The following ARL14EP variants were observed in gnomAD, a reference collection of about 807,000 sequenced individuals.
ARL14EP encodes the protein ARL14 effector protein.
Under a neutral mutation model 23.1 loss-of-function variants are expected in ARL14EP, and 12 were observed. That is an observed-to-expected ratio of 0.52 (90% CI 0.33 to 0.84). The LOEUF (loss-of-function observed/expected upper bound fraction) is 0.84. Ranked by LOEUF, ARL14EP falls within the 40% of genes least tolerant of loss-of-function variation. The probability of loss-of-function intolerance (pLI) is 0.02; values close to 1 mark genes in which losing one functional copy is unlikely to be tolerated. For synonymous variants in ARL14EP, 97 were observed against 102.0 expected, an observed-to-expected ratio of 0.95 and a Z score of 0.29; for missense variants, 253 against 307.3, an observed-to-expected ratio of 0.82 and a Z score of 1.32.
At chr11:30,331,678 T>G in intron 2 of ARL14EP, 1 of 1,189,590 alleles carries the variant, frequency 8.4e-7, no homozygotes, top group Non-Finnish European at 1.0e-6. Flanking sequence ...AGGATTTAGT[T>G]TCTTTTCTGA....
At chr11:30,334,226 T>TTTTTTTTG (rs1947312830) in intron 3 of ARL14EP, among the ~76,000 whole-genome samples, 1 of 131,562 alleles carries the variant, frequency 7.6e-6, no homozygotes. Flanking sequence ...TTTTTTTTTT[T>TTTTTTTTG]TTTTTTTGAG....
In ARL14EP at chr11:30,331,092, G is replaced by T; in HGVS notation, c.144G>T (p.Met48Ile). The T allele has an allele frequency of 1.2e-6, 2 of 1,613,904 alleles. No homozygotes were observed. Among genetic ancestry groups the T allele is most frequent in the South Asian group, 2.2e-5 (2 of 91,048 alleles). ...TTTTACTTCAACTTAGAACTGGAAT[G>T]ACACTTTCTGGGAACAATACAATTT... ...DMLLLQLRTG[M>I]TLSGNNTICF... Residue 48 changes from methionine (M) to isoleucine (I), a missense_variant, in exon 2 of 4, where the codon ATG (methionine) becomes ATT (isoleucine). Met to Ile is a conservative substitution (Grantham distance 10). Transcript: ENST00000282032.
At chr11:30,329,385 A>T (rs1400581090) in intron 1 of ARL14EP, 3 of 152,154 alleles carry the variant, frequency 2.0e-5, no homozygotes, top group Admixed American at 6.5e-5. Flanking sequence ...TCACTGCCAA[A>T]GGCAGTGAAT....
chr11:30,336,527 CAT>C lies in ARL14EP; in HGVS notation c.555-37_555-36del, dbSNP rs759707936. On this transcript the variant is annotated intron_variant, in intron 3 of 3. Transcript: ENST00000282032. ...GTATTTTCAATTAAATCAAAAATAA[CAT>C]ATTTATGAGGTATAATTCATTGTGT... is the stretch of plus-strand genomic sequence containing the variant. The C allele has an allele frequency of 1.2e-5, 17 of 1,430,352 alleles. No homozygotes were observed. In the African/African-American group the frequency reaches 2.4e-4, roughly 20 times the overall value. The allele number at this position is 1,430,352 out of a possible 1,614,324, so 88.6% of individuals were successfully genotyped here. A position where few individuals can be genotyped will look rare whatever the true frequency, so the allele number is the denominator to read the frequency against.
intron 2 of ARL14EP, 57 bp downstream of exon 2, chr11:30,331,431 TTAACTA>T: frequency 1.9e-6 from 3 of 1,609,946 alleles, no homozygotes; most frequent in Non-Finnish European, 2.5e-6. Context: ...AGGATTTTGC[TTAACTA>T]TAAGAAAATC....
At chr11:30,327,783 G>T (rs1192422525) in intron 1 of ARL14EP, among the ~76,000 whole-genome samples, 3 of 130,512 alleles carry the variant, frequency 2.3e-5, no homozygotes, top group Non-Finnish European at 4.7e-5. Flanking sequence ...ATGGTGAAAC[G>T]CCATCTCTAC....
rs753995560 is a variant in ARL14EP, at chr11:30,331,325, G to C, written c.377G>C (p.Ser126Thr). The C allele has an allele frequency of 4.3e-6, 7 of 1,613,992 alleles. No homozygotes were observed. In the South Asian group the frequency reaches 7.7e-5, roughly 18 times the overall value. ...AAATGCACACAGATAATCAATGGAA[G>C]TGTGGATGTTGATACTGAAGACCGC... ...CPKCTQIING[S>T]VDVDTEDRQK... The change falls in exon 2 of 4, where the codon AGT becomes ACT. Residue 126 changes from serine (S) to threonine (T), a missense_variant. By Grantham distance (58) the Ser-to-Thr change is moderately conservative. Transcript: ENST00000282032.
chr11:30,334,198 GA>G (rs1733260371), intron 3 of ARL14EP, among the ~76,000 whole-genome samples: 1 of 127,412 alleles, frequency 7.8e-6, no homozygotes, highest in Non-Finnish European at 1.6e-5. Flanking sequence ...TTTCAATGTA[GA>G]CCAGCCTTCT....
rs1182292441 is a variant in ARL14EP, at chr11:30,336,691, G to C, written c.679G>C (p.Gly227Arg). Residue 227 changes from glycine (G) to arginine (R), a missense_variant, in exon 4 of 4, where the codon GGT becomes CGT. Gly to Arg is a moderately radical substitution (Grantham distance 125). Transcript: ENST00000282032. The stretch of plus-strand genomic sequence containing the variant: ...ATGTTTCTATGCTTGTCCTGCCTGT[G>C]GTTCTACCAAGTGTGGAGCTGAATG... ...LGCFYACPAC[G>R]STKCGAECRC... 2.5e-6 allele frequency: 4 copies of C among 1,614,006 alleles called. No individual in the cohort carries two copies. The Admixed American group carries it at 6.7e-5, about 27-fold the overall frequency.
At chr11:30,334,885 AG>A (rs1947319613) in intron 3 of ARL14EP, among the ~76,000 whole-genome samples, 2 of 152,266 alleles carry the variant, frequency 1.3e-5, no homozygotes, top group Admixed American at 6.5e-5. Flanking sequence ...GAGATGTCCC[AG>A]GAGATAAATG....
chr11:30,336,445 A>T, intron 3 of ARL14EP, 122 bp from the exon 4 acceptor site: 1 of 849,250 alleles, frequency 1.2e-6, no homozygotes, highest in Non-Finnish European at 1.8e-6. Context: ...GATAAATTAT[A>T]GATGATTTTG....
At chr11:30,331,880 T>C (rs549914276) in intron 2 of ARL14EP, 1 of 916,700 alleles carries the variant, frequency 1.1e-6, no homozygotes, top group African/African-American at 1.8e-5. Context: ...TTTAAATGCT[T>C]GTGAATTTTC....
intron 3 of ARL14EP, among the ~76,000 whole-genome samples, chr11:30,336,295 T>G (rs563247881): frequency 6.6e-6 from 1 of 152,324 alleles, no homozygotes; most frequent in East Asian, 1.9e-4. Flanking sequence ...CTTTTTTGTT[T>G]GTTTAAAGTA....
chr11:30,332,444 C>A (rs1462828783), intron 2 of ARL14EP, among the ~76,000 whole-genome samples: 1 of 152,018 alleles, frequency 6.6e-6, no homozygotes, highest in Non-Finnish European at 1.5e-5. Context: ...GATTATAATA[C>A]TATTCTAGAA....
At chr11:30,330,727 G>A (rs544050945) in intron 1 of ARL14EP, 159 bp from the exon 2 acceptor site, 7 of 495,476 alleles carry the variant, frequency 1.4e-5, no homozygotes, top group East Asian at 3.6e-5. Context: ...TACAGGGAAC[G>A]CTTCTGTTTG....
At chr11:30,334,129 T>TA (rs1947310490) in intron 3 of ARL14EP, among the ~76,000 whole-genome samples, 1 of 148,728 alleles carries the variant, frequency 6.7e-6, no homozygotes, top group African/African-American at 2.5e-5. Flanking sequence ...CTCCATAACA[T>TA]AAAAGTGCAA....
chr11:30,335,728 GCTTAA>G (rs946706503), intron 3 of ARL14EP, among the ~76,000 whole-genome samples: 2 of 151,246 alleles, frequency 1.3e-5, no homozygotes, highest in Admixed American at 6.6e-5. Context: ...TATAGTGTAA[GCTTAA>G]CTTTTATATG....
At chr11:30,324,301 A>T (rs1409116253) in intron 1 of ARL14EP, among the ~76,000 whole-genome samples, 1 of 152,214 alleles carries the variant, frequency 6.6e-6, no homozygotes, top group African/African-American at 2.4e-5. Flanking sequence ...TTTTTCATAA[A>T]AGAGACATCA....
intron 1 of ARL14EP, chr11:30,328,907 T>G: frequency 6.6e-6 from 1 of 152,108 alleles, no homozygotes; most frequent in Middle Eastern, 3.2e-3. Flanking sequence ...CAACAGCAGA[T>G]TTTTTCCTAA....
Sources: allele counts gnomAD v4.1 joint callset (sites outside exome capture counted in the v4.1 genomes callset), GRCh38; gene constraint gnomAD v4.1.1; transcripts MANE v1.5; gene names NCBI Gene and HGNC (gene_info 2026-07-23, HGNC 2026-07-21).